The following NFIC variants were observed in gnomAD, a reference collection of about 807,000 sequenced individuals.
NFIC encodes the protein nuclear factor I C, also known as nuclear factor 1 C-type.
In NFIC, 12 loss-of-function variants were observed where a neutral mutation model predicts 54.4. That is an observed-to-expected ratio of 0.22 (90% confidence interval 0.14 to 0.36). The LOEUF is 0.36. Ranked by LOEUF, NFIC falls within the 10% of genes least tolerant of loss-of-function variation. The probability of loss-of-function intolerance (pLI) is 1.00; values close to 1 mark genes in which losing one functional copy is unlikely to be tolerated. For synonymous variants in NFIC, 322 were observed against 319.2 expected, an observed-to-expected ratio of 1.01 and a Z score of -0.09; for missense variants, 575 against 718.2, an observed-to-expected ratio of 0.80 and a Z score of 2.28.
chr19:3,366,827 A>G (rs565433511), intron 1 of NFIC, among the ~76,000 whole-genome samples, 161 bp downstream of exon 1: 1 of 148,890 alleles, frequency 6.7e-6, no homozygotes, highest in Admixed American at 6.6e-5. Context: ...CGGTGGGGGG[A>G]TGGGTCAGGC....
intron 2 of NFIC, 117 bp downstream of exon 2, chr19:3,382,360 TGA>T: frequency 7.2e-7 from 1 of 1,396,326 alleles, no homozygotes; most frequent in East Asian, 2.4e-5. Context: ...TGTGGTGGTC[TGA>T]GAGGGGAAGT....
intron 2 of NFIC, among the ~76,000 whole-genome samples, chr19:3,386,551 G>A (rs1037405091): frequency 6.6e-6 from 1 of 151,922 alleles, no homozygotes. Context: ...TGGAACTCAT[G>A]GCCTCAAGTG....
intron 2 of NFIC, among the ~76,000 whole-genome samples, chr19:3,399,440 G>C (rs1001347239): frequency 2.0e-5 from 3 of 152,120 alleles, no homozygotes; most frequent in African/African-American, 7.2e-5. Flanking sequence ...GCCAGGCATG[G>C]TGATGTGTGC....
rs1170716414 is a variant in NFIC at position 3,369,088 on chromosome 19, G to C, written c.30+2422G>C. ...TCTCCCACTGTCTCTGTCTCTTCAT[G>C]TCTATCTCACCATCCCTTTCTCCTC... On this transcript the variant is annotated intron_variant, in intron 1 of 10. Transcript: ENST00000443272. The surrounding 1 kb of genome is among the most constrained non-coding windows in gnomAD (Gnocchi z 4.3). Among the ~76,000 whole-genome samples the C allele has an allele frequency of 1.3e-5, 2 of 151,686 alleles. No homozygotes were observed. Among genetic ancestry groups the C allele is most frequent in the Non-Finnish European group, 2.9e-5 (2 of 67,932 alleles).
rs1429649082 is a variant in NFIC, at chr19:3,366,809, C to T, written c.30+143C>T. 7 of 549,596 alleles carry T rather than the reference C, an allele frequency of 1.3e-5. No homozygotes were observed. In the African/African-American group the frequency reaches 1.4e-4, roughly 11 times the overall value. The allele number at this position is 549,596 out of a possible 1,614,324, so 34.0% of individuals were successfully genotyped here. A position where few individuals can be genotyped will look rare whatever the true frequency, so the allele number is the denominator to read the frequency against. The stretch of plus-strand genomic sequence containing the variant: ...CCCGGGATGCCCCCCGCGCCGAGGG[C>T]TGGGGTCCGGTGGGGGGATGGGTCA... On this transcript the variant is annotated intron_variant, in intron 1 of 10. Transcript: ENST00000443272.
chr19:3,428,226 G>A (rs2082059013), intron 3 of NFIC, among the ~76,000 whole-genome samples: 2 of 151,622 alleles, frequency 1.3e-5, no homozygotes, highest in African/African-American at 4.8e-5. Flanking sequence ...GGGCGCAGTG[G>A]CTTACACCTG....
At chr19:3,449,330 C>T (rs1289500454) in intron 7 of NFIC, among the ~76,000 whole-genome samples, 191 bp downstream of exon 7, 1 of 152,184 alleles carries the variant, frequency 6.6e-6, no homozygotes, top group East Asian at 1.9e-4. Context: ...AGAGGTTGGA[C>T]TCAGTCCCTT....
upstream of NFIC, among the ~76,000 whole-genome samples, chr19:3,363,562 A>G (rs930504341): frequency 6.6e-5 from 10 of 151,924 alleles, no homozygotes; most frequent in African/African-American, 1.5e-4. Flanking sequence ...GTGAGCCACT[A>G]CAACCGGCCA....
At chr19:3,368,004 A>G (rs530567966) in intron 1 of NFIC, among the ~76,000 whole-genome samples, 1 of 152,156 alleles carries the variant, frequency 6.6e-6, no homozygotes, top group East Asian at 1.9e-4. Flanking sequence ...CCTACCTGTG[A>G]TCCCCTGAGT....
chr19:3,456,536 T>G lies in NFIC; in HGVS notation c.1424-14T>G. On this transcript the variant is annotated splice_polypyrimidine_tract_variant and intron_variant, in intron 9 of 10. Transcript: ENST00000443272. ...CCCTCGCTAACGGGCTCTCGGTCTC[T>G]CTCCTCCCTGCAGCCTACTCTCCGC... 1 of 1,551,068 alleles carries G rather than the reference T, an allele frequency of 6.4e-7. No homozygotes were observed. Among genetic ancestry groups the G allele is most frequent in the East Asian group, 2.4e-5 (1 of 40,902 alleles).
intron 5 of NFIC, 132 bp from the exon 6 acceptor site, chr19:3,434,931 ACGGGCTGAACGCCCGCGGCT>A: frequency 9.6e-7 from 1 of 1,041,362 alleles, no homozygotes; most frequent in South Asian, 1.7e-5. Flanking sequence ...TTCGTAGGGA[ACGGGCTGAACGCCCGCGGCT>A]CCCGCGATGT....
At chr19:3,442,203 G>A (rs1017309221) in intron 6 of NFIC, among the ~76,000 whole-genome samples, 2 of 152,182 alleles carry the variant, frequency 1.3e-5, no homozygotes, top group African/African-American at 4.8e-5. Context: ...CTGCTTACGC[G>A]GCTGCGTGGG....
intron 9 of NFIC, 100 bp from the exon 10 acceptor site, chr19:3,456,450 C>A: frequency 8.7e-7 from 1 of 1,154,562 alleles, no homozygotes; most frequent in Non-Finnish European, 1.2e-6. Flanking sequence ...AGAGGCCCGG[C>A]TGTGTGACGC....
chr19:3,360,810 C>T (rs1046992769), intron 1 of NFIC, among the ~76,000 whole-genome samples: 1 of 152,186 alleles, frequency 6.6e-6, no homozygotes, highest in Non-Finnish European at 1.5e-5. Flanking sequence ...CCTGGGTGAC[C>T]GTGGGGTGTC....
chr19:3,409,804 G>A lies in NFIC; in HGVS notation c.563-15302G>A, dbSNP rs530121528. Among the ~76,000 whole-genome samples, 49 of 152,320 alleles carry A rather than the reference G, an allele frequency of 3.2e-4. 1 individual carries two copies. The highest frequency in any genetic ancestry group is 1.0e-3 in the South Asian group (5 of 4,828). ...CGTGGCTGTTGTGCATCATTTGTTTGCTTGAGCAAAGGCTACAGGGTCCAG... is the reference window on the plus strand; with the variant it reads ...CGTGGCTGTTGTGCATCATTTGTTTACTTGAGCAAAGGCTACAGGGTCCAG... On this transcript the variant is annotated intron_variant, in intron 2 of 10. Transcript: ENST00000443272.
At chr19:3,416,511 CATTATT>C (rs199580385) in intron 2 of NFIC, among the ~76,000 whole-genome samples, 8 of 149,584 alleles carry the variant, frequency 5.3e-5, no homozygotes, top group South Asian at 2.1e-4. Flanking sequence ...TATGTCTGTA[CATTATT>C]ATTATTATTA....
intron 2 of NFIC, among the ~76,000 whole-genome samples, chr19:3,419,301 A>C (rs1191820506): frequency 6.6e-6 from 1 of 152,186 alleles, no homozygotes; most frequent in Non-Finnish European, 1.5e-5. Flanking sequence ...TTTATAGCAT[A>C]TTATTTTTAA....
At chr19:3,412,011 C>G (rs1052296036) in intron 2 of NFIC, among the ~76,000 whole-genome samples, 3 of 152,196 alleles carry the variant, frequency 2.0e-5, no homozygotes, top group Non-Finnish European at 4.4e-5. Context: ...CAGGAGAAAA[C>G]ACACAAACCG....
intron 3 of NFIC, among the ~76,000 whole-genome samples, chr19:3,427,868 AAGAG>A (rs946274960): frequency 6.4e-5 from 9 of 141,296 alleles, no homozygotes; most frequent in Middle Eastern, 4.1e-3. Flanking sequence ...AAAGAAAAGA[AAGAG>A]AGAGAGAAAA....
Sources: allele counts gnomAD v4.1 joint callset (sites outside exome capture counted in the v4.1 genomes callset), GRCh38; gene constraint gnomAD v4.1.1; non-coding constraint Gnocchi (gnomAD v3.1); transcripts MANE v1.5; gene names NCBI Gene and HGNC (gene_info 2026-07-23, HGNC 2026-07-21).